The following DNAAF3 variants were observed in gnomAD, a reference collection of about 807,000 sequenced individuals.
DNAAF3 encodes the protein UPF0470 protein C19orf51.
DNAAF3 carries 40 observed loss-of-function variants against 50.9 expected under a neutral mutation model. The observed-to-expected ratio is 0.79, with a 90% CI of 0.61 to 1.02. The LOEUF is 1.02. Ranked by LOEUF, DNAAF3 falls within the 50% of genes least tolerant of loss-of-function variation. The pLI is 0.00. For missense variants in DNAAF3, 763 were observed against 744.7 expected (o/e 1.02, Z -0.29); for synonymous variants, 327 against 322.8 (o/e 1.01, Z -0.14).
At position 55,159,259 on chromosome 19, in the gene DNAAF3, C is replaced by G. The variant is rs1448187041; in HGVS notation, c.1429G>C (p.Asp477His). The change falls in exon 12 of 12, where the codon GAC becomes CAC. Residue 477 changes from aspartate (D) to histidine (H), a missense_variant. Physicochemically the swap from Asp to His is moderately conservative, Grantham distance 81. Coordinates refer to ENST00000524407, the MANE Select transcript of DNAAF3 (RefSeq NM_001256715.2). ...GCTTCAAGAGGCTGGGCCAGGATGTCAAGGGGCGGAGTTCCGGGTTCCACA... is the reference window on the plus strand; with the variant it reads ...GCTTCAAGAGGCTGGGCCAGGATGTGAAGGGGCGGAGTTCCGGGTTCCACA... Reference protein sequence around the residue: ...PAVEPGTPPLDILAQPLEASN... With the variant: ...PAVEPGTPPLHILAQPLEASN... The G allele has an allele frequency of 6.2e-7, 1 of 1,613,988 alleles. No homozygotes were observed. Among genetic ancestry groups the G allele is most frequent in the East Asian group, 2.2e-5 (1 of 44,886 alleles).
chr19:55,162,052 C>A (rs1337914174), intron 5 of DNAAF3, 81 bp downstream of exon 5: 1 of 1,325,154 alleles, frequency 7.5e-7, no homozygotes, highest in African/African-American at 1.5e-5. Flanking sequence ...CCGCCTGCTC[C>A]ATCAACGCAC....
intron 4 of DNAAF3, among the ~76,000 whole-genome samples, 182 bp downstream of exon 4, chr19:55,165,188 G>A (rs376253298): frequency 7.1e-4 from 108 of 151,688 alleles, no homozygotes; most frequent in Admixed American, 1.8e-3. Context: ...GAGCCACCGC[G>A]CCCGGCCGGA....
rs1284974494 is a variant in DNAAF3 at position 55,158,728 on chromosome 19, C to T, written c.*334G>A. ...TGACCAGGCCCTGGTGAGGAGACACCCCAGCCCCTAGTCAGCCACAGGGTG... is the reference window on the plus strand; with the variant it reads ...TGACCAGGCCCTGGTGAGGAGACACTCCAGCCCCTAGTCAGCCACAGGGTG... On this transcript the variant is annotated 3_prime_UTR_variant, in exon 12 of 12. Coordinates refer to ENST00000524407, the MANE Select transcript of DNAAF3 (RefSeq NM_001256715.2). 2 of 240,050 alleles carry T rather than the reference C, an allele frequency of 8.3e-6. No individual in the cohort carries two copies. Among genetic ancestry groups the T allele is most frequent in the Admixed American group, 5.0e-5 (1 of 20,002 alleles). 14.9% of individuals were successfully genotyped at this position (240,050 alleles called of 1,614,324 possible). A position where few individuals can be genotyped will look rare whatever the true frequency, so the allele number is the denominator to read the frequency against.
Position 55,166,298 on chromosome 19 carries a change from G to T in DNAAF3, c.85+31C>A, listed in dbSNP as rs1367426600. 1.2e-6 allele frequency: 2 copies of T among 1,608,118 alleles called. No homozygotes were observed. The highest frequency in any genetic ancestry group is 1.7e-6 in the Non-Finnish European group (2 of 1,176,630). On this transcript the variant is annotated intron_variant, in intron 2 of 11. Transcript: ENST00000524407. This position sits in a 1 kb window ranked among gnomAD's most constrained non-coding sequence, Gnocchi z 4.0. The stretch of plus-strand genomic sequence containing the variant: ...GTCTGCTCAGGCTGGGAAGGCAGAC[G>T]GTGTATCAGACCTTGCGTGCTGGGA...
chr19:55,160,671 G>C lies in DNAAF3; in HGVS notation c.1017C>G (p.His339Gln), dbSNP rs560113507. The change falls in exon 9 of 12, where the codon CAC becomes CAG. Residue 339 changes from histidine to glutamine, a missense_variant. His to Gln is a conservative substitution (Grantham distance 24). Transcript: ENST00000524407. The surrounding 1 kb of genome is among the most constrained non-coding windows in gnomAD (Gnocchi z 4.7). The part of the protein sequence containing the change: ...ATGGDLEEQQ[H>Q]AEGSPEPGTP... ...TCCCTGGCTCCGGGCTTCCCTCCGC[G>C]TGCTGCTGCTCCTCCAGGTCCCCCC... The C allele has an allele frequency of 6.2e-7, 1 of 1,613,850 alleles. No homozygotes were observed. The highest frequency in any genetic ancestry group is 1.1e-5 in the South Asian group (1 of 91,086).
chr19:55,160,153 T>A lies in DNAAF3; in HGVS notation c.1049-140A>T, dbSNP rs2085796995. 7.6e-6 allele frequency: 5 copies of A among 658,248 alleles called. No homozygotes were observed. In the Admixed American group the frequency reaches 7.8e-5, roughly 10 times the overall value. 40.8% of individuals were successfully genotyped at this position (658,248 alleles called of 1,614,324 possible). On this transcript the variant is annotated intron_variant, in intron 9 of 11. Transcript: ENST00000524407. The surrounding 1 kb of genome is among the most constrained non-coding windows in gnomAD (Gnocchi z 4.7). ...CACTTTTTGTCCTCTTGCAGCTTTT[T>A]AAAAAATCCTCTAAGGTAGGCTCCT... is the stretch of plus-strand genomic sequence containing the variant.
At chr19:55,163,415 C>T (rs1056793711) in intron 4 of DNAAF3, among the ~76,000 whole-genome samples, 1 of 150,968 alleles carries the variant, frequency 6.6e-6, no homozygotes, top group African/African-American at 2.4e-5. Flanking sequence ...GCCTCGGTCT[C>T]CCAAAGTGCT....
In DNAAF3 at chr19:55,159,553, G is replaced by A; in HGVS notation, c.1218C>T (p.Asn406=). The change falls in exon 11 of 12, where the codon AAC becomes AAT. Residue 406 remains asparagine (N), a synonymous_variant. Transcript: ENST00000524407. Reference sequence around the variant, plus strand: ...CTCACCGGGCTAATTCCACAATCAAGTTCCCTCCGGGTGCCACACAGGCCC... The same window carrying A: ...CTCACCGGGCTAATTCCACAATCAAATTCCCTCCGGGTGCCACACAGGCCC... ...ELGACVAPGG[N]LIVELARYLV... is the part of the protein sequence containing the mutation. 6.2e-7 allele frequency: 1 copy of A among 1,602,320 alleles called. No individual in the cohort carries two copies. The highest frequency in any genetic ancestry group is 1.1e-5 in the South Asian group (1 of 88,748).
chr19:55,163,966 C>T (rs562581715), intron 4 of DNAAF3, among the ~76,000 whole-genome samples: 2 of 152,190 alleles, frequency 1.3e-5, no homozygotes, highest in South Asian at 4.1e-4. Context: ...GTGATTGGGT[C>T]ACAGGGGCAG....
At position 55,159,330 on chromosome 19, in the gene DNAAF3, C is replaced by T. The variant is rs576940831; in HGVS notation, c.1358G>A (p.Arg453His). ...TGARPSETFA[R>H]FCKSQESALG... ...AGCTGATTCCTGGGACTTGCAGAAA[C>T]GTGCGAAGGTCTCTGAAGGCCTGGC... The change falls in exon 12 of 12, where the codon CGT (arginine) becomes CAT (histidine). Residue 453 changes from arginine to histidine, a missense_variant. Arg to His is a conservative substitution (Grantham distance 29, BLOSUM62 0). Transcript: ENST00000524407. 8.1e-6 allele frequency: 13 copies of T among 1,614,050 alleles called. No individual in the cohort carries two copies. The highest frequency in any genetic ancestry group is 2.2e-5 in the East Asian group (1 of 44,898).
rs1162495462 is a variant in DNAAF3, at chr19:55,160,725, C to A, written c.963G>T (p.Val321=). ...QHNVTELLRD[V]AAWGRARATG... ...TGGCTCTCGCGCGCCCCCAGGCGGC[C>A]ACGTCGCGGAGCAGCTCCGTCACGT... Residue 321 remains valine (V), a synonymous_variant, in exon 9 of 12, where the codon GTG becomes GTT. Transcript: ENST00000524407. This position sits in a 1 kb window ranked among gnomAD's most constrained non-coding sequence, Gnocchi z 4.7. 1 of 1,613,050 alleles carries A rather than the reference C, an allele frequency of 6.2e-7. No individual in the cohort carries two copies. The highest frequency in any genetic ancestry group is 8.5e-7 in the Non-Finnish European group (1 of 1,179,892).
intron 4 of DNAAF3, among the ~76,000 whole-genome samples, chr19:55,164,723 C>T (rs141568239): frequency 0.039 from 5,959 of 152,000 alleles, 344 homozygotes; most frequent in African/African-American, 0.13. Context: ...CGGGGTTTCA[C>T]CATGTTGAGC....
At chr19:55,159,491 C>G (rs758777169) in intron 11 of DNAAF3, 42 bp from the exon 12 acceptor site, 8 of 1,603,056 alleles carry the variant, frequency 5.0e-6, no homozygotes, top group South Asian at 1.1e-5. Context: ...AGATTTTGAT[C>G]CCCAGCCAGG....
In DNAAF3 at chr19:55,161,141, G is replaced by A. The variant is rs2085821356; in HGVS notation, c.836C>T (p.Thr279Met). The A allele has an allele frequency of 1.3e-6, 2 of 1,552,326 alleles. No homozygotes were observed. The highest frequency in any genetic ancestry group is 1.7e-6 in the Non-Finnish European group (2 of 1,149,428). Residue 279 changes from threonine (T) to methionine (M), a missense_variant, in exon 8 of 12, where the codon ACG (threonine) becomes ATG (methionine). Transcript: ENST00000524407. The surrounding 1 kb of genome is among the most constrained non-coding windows in gnomAD (Gnocchi z 6.4). ...GATGCCGAAGGCCACGAAGGGCCCC[G>A]TGGCGATGTCCCCCCAGTACCCGCG... Reference protein sequence around the residue: ...AARGYWGDIATGPFVAFGIEA... With the variant: ...AARGYWGDIAMGPFVAFGIEA...
intron 4 of DNAAF3, chr19:55,162,505 T>A: frequency 1.2e-6 from 1 of 810,340 alleles, no homozygotes; most frequent in East Asian, 4.0e-5. Flanking sequence ...GAGAATCGCT[T>A]GAACCCGGAG....
In DNAAF3 at chr19:55,165,914, G is replaced by A. The variant is rs1205985038; in HGVS notation, c.172C>T (p.Arg58Trp). The change falls in exon 3 of 12, where the codon CGG becomes TGG. Residue 58 changes from arginine to tryptophan, a missense_variant. Physicochemically the swap from Arg to Trp is moderately radical, Grantham distance 101. Transcript: ENST00000524407. ...DVLLLGSVDGRHLLRTLSRAK... is the reference protein window; with the variant it reads ...DVLLLGSVDGWHLLRTLSRAK... The stretch of plus-strand genomic sequence containing the variant: ...CGGGACAGGGTCCGCAGCAGGTGCC[G>A]TCCATCCACAGAGCCCAGAAGCAGC... The A allele has an allele frequency of 2.5e-6, 4 of 1,614,162 alleles. No individual in the cohort carries two copies. Among genetic ancestry groups the A allele is most frequent in the African/African-American group, 1.3e-5 (1 of 75,036 alleles).
In DNAAF3 at chr19:55,165,365, C is replaced by G. The variant is rs1407122988; in HGVS notation, c.322+5G>C. 2 of 1,614,026 alleles carry G rather than the reference C, an allele frequency of 1.2e-6. No homozygotes were observed. Among genetic ancestry groups the G allele is most frequent in the Admixed American group, 3.3e-5 (2 of 60,018 alleles). On this transcript the variant is annotated splice_donor_5th_base_variant and intron_variant, in intron 4 of 11. Coordinates refer to ENST00000524407, the MANE Select transcript of DNAAF3 (RefSeq NM_001256715.2). The stretch of plus-strand genomic sequence containing the variant: ...GGTCAGAATGCCTGGGTCCTAGCAA[C>G]AGACCTTGCAGCCCCATCTTCTCCG...
rs750716957 is a variant in DNAAF3, at chr19:55,165,440, C to G, written c.252G>C (p.Leu84=). 1.2e-6 allele frequency: 2 copies of G among 1,614,072 alleles called. No homozygotes were observed. The highest frequency in any genetic ancestry group is 1.7e-6 in the Non-Finnish European group (2 of 1,180,020). The change falls in exon 4 of 12, where the codon CTG becomes CTC. Residue 84 remains leucine, a synonymous_variant. Coordinates refer to ENST00000524407, the MANE Select transcript of DNAAF3 (RefSeq NM_001256715.2). ...TCAGCATGTGTCGGGCCACAGCTTC[C>G]AGATTATTCTCCAGCACAAAGAACT... is the stretch of plus-strand genomic sequence containing the variant. ...RFNFFVLENN[L]EAVARHMLIF... is the part of the protein sequence containing the mutation.
chr19:55,161,056 G>A lies in DNAAF3; in HGVS notation c.912+9C>T, dbSNP rs1443509733. ...CACCTCTACCCCCAGTCCCAGCCTC[G>A]CCGCGCACCTTGACTGGCTGGCCGT... On this transcript the variant is annotated intron_variant, in intron 8 of 11. Transcript: ENST00000524407. The surrounding 1 kb of genome is among the most constrained non-coding windows in gnomAD (Gnocchi z 6.4). 2.0e-6 allele frequency: 3 copies of A among 1,535,268 alleles called. No individual in the cohort carries two copies. Among genetic ancestry groups the A allele is most frequent in the African/African-American group, 1.4e-5 (1 of 72,496 alleles).
Sources: allele counts gnomAD v4.1 joint callset (sites outside exome capture counted in the v4.1 genomes callset), GRCh38; gene constraint gnomAD v4.1.1; non-coding constraint Gnocchi (gnomAD v3.1); transcripts MANE v1.5; gene names NCBI Gene and HGNC (gene_info 2026-07-23, HGNC 2026-07-21).